CHSY1: variants seen among roughly 807,000 people sequenced by gnomAD.
The protein encoded by CHSY1 is N-acetylgalactosaminyl-proteoglycan 3-beta-glucuronosyltransferase 1.
Under a neutral mutation model 59.8 loss-of-function variants are expected in CHSY1, and 13 were observed. That is an observed-to-expected ratio of 0.22 (90% confidence interval 0.14 to 0.35). The LOEUF (loss-of-function observed/expected upper bound fraction) is 0.35. Ranked by LOEUF, CHSY1 falls within the 10% of genes least tolerant of loss-of-function variation. The pLI, the probability that CHSY1 is intolerant of heterozygous loss-of-function variation, is 1.00. For synonymous variants in CHSY1, 459 were observed against 401.2 expected (o/e 1.14, Z -1.72); for missense variants, 947 against 1,030.6 (o/e 0.92, Z 1.11).
chr15:101,234,546 C>T (rs1310832626), intron 2 of CHSY1, among the ~76,000 whole-genome samples: 3 of 152,178 alleles, frequency 2.0e-5, no homozygotes, highest in African/African-American at 7.2e-5. Context: ...GCCCCAAATG[C>T]CATTATTTAT....
rs1408905449 is a variant in CHSY1 at position 101,176,803 on chromosome 15, G to GAACAA, written c.*580_*584dup. The GAACAA allele has an allele frequency of 1.2e-5, 2 of 171,560 alleles. No individual in the cohort carries two copies. The highest frequency in any genetic ancestry group is 2.0e-4 in the South Asian group (1 of 4,996). 10.6% of individuals were successfully genotyped at this position (171,560 alleles called of 1,614,324 possible). ...AGAGTGAGACTCCGTCTCAAAAAAAGAACAAAACAAAACAAACAAAAAACC... is the reference window on the plus strand; with the variant it reads ...AGAGTGAGACTCCGTCTCAAAAAAAGAACAAAACAAAACAAAACAAACAAAAAACC... On this transcript the variant is annotated 3_prime_UTR_variant, in exon 3 of 3. Transcript: ENST00000254190.
rs2141233202 is a variant in CHSY1 at position 101,176,467 on chromosome 15, A to C, written c.*921T>G. On this transcript the variant is annotated 3_prime_UTR_variant, in exon 3 of 3. Transcript: ENST00000254190. ...ATTTTACCCTTTAAAGAGAAGGGTC[A>C]AGAAGAGAAAATGCCAAATCCTTCT... 1 of 398,478 alleles carries C rather than the reference A, an allele frequency of 2.5e-6. No individual in the cohort carries two copies. The highest frequency in any genetic ancestry group is 4.4e-6 in the Non-Finnish European group (1 of 226,000). 24.7% of individuals were successfully genotyped at this position (398,478 alleles called of 1,614,324 possible). A position where few individuals can be genotyped will look rare whatever the true frequency, so the allele number is the denominator to read the frequency against.
Position 101,235,091 on chromosome 15 carries a change from C to G in CHSY1, c.807G>C (p.Trp269Cys), listed in dbSNP as rs911919414. ...AGAATTCTGTTCTTACCTCATAAGACCAGACACACTGCACCCCTGCAAACC... is the reference window on the plus strand; with the variant it reads ...AGAATTCTGTTCTTACCTCATAAGAGCAGACACACTGCACCCCTGCAAACC... ...VRRFAGVQCV[W>C]SYEMQQLFYE... Residue 269 changes from tryptophan to cysteine, a missense_variant, in exon 2 of 3, where the codon TGG becomes TGC. Coordinates refer to ENST00000254190, the MANE Select transcript of CHSY1 (RefSeq NM_014918.5). 6.2e-7 allele frequency: 1 copy of G among 1,613,898 alleles called. No individual in the cohort carries two copies. Among genetic ancestry groups the G allele is most frequent in the South Asian group, 1.1e-5 (1 of 91,086 alleles).
intron 2 of CHSY1, among the ~76,000 whole-genome samples, chr15:101,222,477 T>C (rs1032195446): frequency 6.6e-6 from 1 of 152,228 alleles, no homozygotes; most frequent in South Asian, 2.1e-4. Flanking sequence ...AACTGATACA[T>C]GTATACACTA....
chr15:101,243,168 C>G (rs994656427), intron 1 of CHSY1, among the ~76,000 whole-genome samples: 1 of 152,232 alleles, frequency 6.6e-6, no homozygotes, highest in South Asian at 2.1e-4. Flanking sequence ...GCCCTTTGAG[C>G]CCAGGTTCAC....
chr15:101,203,187 G>A (rs960810586), intron 2 of CHSY1, among the ~76,000 whole-genome samples: 1 of 152,194 alleles, frequency 6.6e-6, no homozygotes, highest in Non-Finnish European at 1.5e-5. Context: ...CTGAAATAGG[G>A]GGGGTGAGGG....
intron 2 of CHSY1, among the ~76,000 whole-genome samples, chr15:101,184,624 A>T (rs1200438474): frequency 6.6e-6 from 1 of 152,090 alleles, no homozygotes; most frequent in African/African-American, 2.4e-5. Flanking sequence ...CCCTGGGATT[A>T]CAGACGTGAG....
intron 2 of CHSY1, among the ~76,000 whole-genome samples, chr15:101,182,836 T>A (rs1446674324): frequency 6.6e-6 from 1 of 152,184 alleles, no homozygotes; most frequent in Non-Finnish European, 1.5e-5. Flanking sequence ...AATGCTTCAC[T>A]CTTAATGAGA....
rs960765181 is a variant in CHSY1 at position 101,188,183 on chromosome 15, G to A, written c.817-9203C>T. 4.0e-5 allele frequency: 39 copies of A among 985,334 alleles called. No individual in the cohort carries two copies. In the African/African-American group the frequency reaches 6.1e-4, roughly 15 times the overall value. 61.0% of individuals were successfully genotyped at this position (985,334 alleles called of 1,614,324 possible). On this transcript the variant is annotated intron_variant, in intron 2 of 2. Transcript: ENST00000254190. ...CCATTCGGACTTAGGCAGCGTTTCA[G>A]TTCATTACAGAGAAGTGGTTTTCTC...
At chr15:101,234,091 AG>A (rs2038916681) in intron 2 of CHSY1, among the ~76,000 whole-genome samples, 1 of 152,222 alleles carries the variant, frequency 6.6e-6, no homozygotes, top group Non-Finnish European at 1.5e-5. Context: ...GCAACAACAC[AG>A]GAAAGTCCAA....
intron 2 of CHSY1, among the ~76,000 whole-genome samples, chr15:101,197,010 C>A (rs8034294): frequency 0.68 from 103,729 of 152,226 alleles, 36,530 homozygotes; most frequent in East Asian, 0.87. Flanking sequence ...TGTTTACCTA[C>A]TTCACAAGTA....
chr15:101,200,932 G>A (rs1234665034), intron 2 of CHSY1, among the ~76,000 whole-genome samples: 1 of 152,174 alleles, frequency 6.6e-6, no homozygotes, highest in African/African-American at 2.4e-5. Context: ...TTCTGTGGAT[G>A]AGGCAGGAGG....
chr15:101,205,939 G>GCA (rs1567095581), intron 2 of CHSY1, among the ~76,000 whole-genome samples: 2 of 151,368 alleles, frequency 1.3e-5, no homozygotes, highest in African/African-American at 4.9e-5. Flanking sequence ...GCGAAAGAGA[G>GCA]AGACTCCGTC....
intron 2 of CHSY1, among the ~76,000 whole-genome samples, chr15:101,193,955 A>G (rs1396533097): frequency 1.3e-5 from 2 of 152,216 alleles, no homozygotes; most frequent in Non-Finnish European, 2.9e-5. Context: ...TAGGGCCATC[A>G]GCGTGGATTT....
intron 2 of CHSY1, chr15:101,187,531 T>G (rs1029095498): frequency 6.6e-6 from 1 of 152,188 alleles, no homozygotes; most frequent in East Asian, 1.9e-4. Context: ...AATATTTTGA[T>G]AGTACCAAAT....
intron 2 of CHSY1, among the ~76,000 whole-genome samples, chr15:101,198,120 A>T (rs2038528598): frequency 1.3e-5 from 2 of 152,014 alleles, no homozygotes; most frequent in Admixed American, 1.3e-4. Context: ...CCCCCCAAGC[A>T]GAGTGTGAGT....
intron 2 of CHSY1, chr15:101,189,353 A>G: frequency 4.1e-6 from 3 of 733,232 alleles, no homozygotes; most frequent in Non-Finnish European, 5.0e-6. Flanking sequence ...CTCTACGAGA[A>G]CGTGATATAA....
intron 2 of CHSY1, among the ~76,000 whole-genome samples, chr15:101,179,404 C>T (rs2038244289): frequency 6.6e-6 from 1 of 152,198 alleles, no homozygotes; most frequent in African/African-American, 2.4e-5. Context: ...TGGGAATAAA[C>T]TTCCTCCTGA....
At chr15:101,182,739 AC>A (rs1238269024) in intron 2 of CHSY1, among the ~76,000 whole-genome samples, 3 of 152,236 alleles carry the variant, frequency 2.0e-5, no homozygotes, top group Admixed American at 6.5e-5. Context: ...GAGTCTGCCA[AC>A]AAAAACATCA....
Sources: gnomAD v4.1 joint callset for allele counts (sites outside exome capture counted in the v4.1 genomes callset) on GRCh38, gnomAD v4.1.1 for gene constraint, MANE v1.5 for transcripts, NCBI Gene and HGNC (gene_info 2026-07-23, HGNC 2026-07-21) for gene names.